The following RAB28 variants were observed in gnomAD, a reference collection of about 807,000 sequenced individuals.
RAB28 encodes the protein RAB28, member RAS oncogene family.
A neutral mutation model predicts 31.7 loss-of-function variants in RAB28; 24 were observed. That is an observed-to-expected ratio of 0.76 (90% CI 0.55 to 1.06). The LOEUF is 1.06. RAB28 is among the 50% of genes least tolerant of loss of function. RAB28 has a pLI of 0.00. For synonymous variants in RAB28, 100 were observed against 90.4 expected (o/e 1.11, Z -0.60); for missense variants, 254 against 258.5 (o/e 0.98, Z 0.12).
At chr4:13,466,921 C>T (rs1366423767) in intron 3 of RAB28, among the ~76,000 whole-genome samples, 2 of 151,892 alleles carry the variant, frequency 1.3e-5, no homozygotes, top group Admixed American at 1.3e-4. Flanking sequence ...GTGAAATGAG[C>T]CAGGCACAAA....
chr4:13,370,267 A>T, intron 6 of RAB28: 1 of 963,306 alleles, frequency 1.0e-6, no homozygotes, highest in South Asian at 4.8e-5. Context: ...TCCATTTTTG[A>T]TAACACAATT....
chr4:13,444,318 C>T (rs139082935), intron 4 of RAB28, among the ~76,000 whole-genome samples: 1,825 of 152,248 alleles, frequency 0.012, 13 homozygotes, highest in Non-Finnish European at 0.018. Flanking sequence ...TGAGCCACCA[C>T]GCCCAGCCGC....
chr4:13,447,491 A>C (rs772134528), intron 4 of RAB28, among the ~76,000 whole-genome samples: 2 of 152,160 alleles, frequency 1.3e-5, no homozygotes, highest in African/African-American at 2.4e-5. Flanking sequence ...AGAGAGAAAG[A>C]CCATACCTGT....
At chr4:13,436,863 C>A (rs535410620) in intron 4 of RAB28, among the ~76,000 whole-genome samples, 42 of 151,986 alleles carry the variant, frequency 2.8e-4, no homozygotes, top group Non-Finnish European at 4.7e-4. Context: ...ATAAACAATT[C>A]TAAAATTCGT....
chr4:13,408,773 C>G (rs150466094), intron 4 of RAB28, among the ~76,000 whole-genome samples: 1,926 of 152,154 alleles, frequency 0.013, 13 homozygotes, highest in Middle Eastern at 0.041. Context: ...TGACTATATA[C>G]TGATCATTCT....
intron 4 of RAB28, among the ~76,000 whole-genome samples, chr4:13,417,754 T>C (rs11946041): frequency 0.012 from 1,812 of 152,078 alleles, 21 homozygotes; most frequent in African/African-American, 0.04. Context: ...GTCACAAGCA[T>C]CAAAGGCCAA....
At chr4:13,476,420 T>A (rs1286927718) in intron 2 of RAB28, among the ~76,000 whole-genome samples, 1 of 151,522 alleles carries the variant, frequency 6.6e-6, no homozygotes, top group Non-Finnish European at 1.5e-5. Flanking sequence ...AAAATAGCTA[T>A]GAATTACTGA....
rs1037605463 is a variant in RAB28 at position 13,401,410 on chromosome 4, A to C, written c.392-19816T>G. On this transcript the variant is annotated intron_variant, in intron 4 of 6. Transcript: ENST00000330852. ...GAGCTAGGGGAGGGATAGCATTAGG[A>C]GAAATACCTAATGTAGGTGACGGGT... Among the ~76,000 whole-genome samples, 3 of 152,284 alleles carry C rather than the reference A, an allele frequency of 2.0e-5. No individual in the cohort carries two copies. The East Asian group carries it at 5.8e-4, about 29-fold the overall frequency.
chr4:13,406,894 T>C (rs1712125411), intron 4 of RAB28, among the ~76,000 whole-genome samples: 1 of 152,238 alleles, frequency 6.6e-6, no homozygotes, highest in African/African-American at 2.4e-5. Context: ...ATTCTGGATA[T>C]TAGCCCTTTG....
At chr4:13,436,432 G>A (rs745520725) in intron 4 of RAB28, among the ~76,000 whole-genome samples, 5 of 152,092 alleles carry the variant, frequency 3.3e-5, no homozygotes, top group Non-Finnish European at 5.9e-5. Context: ...GTTCACCAAC[G>A]TCATAATCCT....
At chr4:13,398,295 T>C (rs1711542749) in intron 4 of RAB28, among the ~76,000 whole-genome samples, 1 of 152,202 alleles carries the variant, frequency 6.6e-6, no homozygotes, top group African/African-American at 2.4e-5. Context: ...ACCACAAGAA[T>C]TCCTATCAGA....
intron 4 of RAB28, among the ~76,000 whole-genome samples, chr4:13,394,388 T>G (rs1170470003): frequency 6.6e-6 from 1 of 152,162 alleles, no homozygotes; most frequent in Non-Finnish European, 1.5e-5. Context: ...CTGTTCATAA[T>G]AGGGTTCACG....
At chr4:13,386,554 G>A (rs1020215169) in intron 4 of RAB28, among the ~76,000 whole-genome samples, 1 of 152,052 alleles carries the variant, frequency 6.6e-6, no homozygotes, top group African/African-American at 2.4e-5. Flanking sequence ...ACCACAATGA[G>A]ATACCATCAC....
intron 4 of RAB28, among the ~76,000 whole-genome samples, chr4:13,445,212 G>T (rs1049066968): frequency 6.6e-6 from 1 of 151,734 alleles, no homozygotes; most frequent in African/African-American, 2.4e-5. Context: ...CTCATGCTGT[G>T]TTTTTCAGCT....
chr4:13,403,632 T>G (rs1018512893), intron 4 of RAB28, among the ~76,000 whole-genome samples: 2 of 152,222 alleles, frequency 1.3e-5, no homozygotes, highest in African/African-American at 4.8e-5. Context: ...CAGTATTATG[T>G]ATGCTATAAA....
At chr4:13,389,568 T>C (rs1208309789) in intron 4 of RAB28, among the ~76,000 whole-genome samples, 2 of 152,146 alleles carry the variant, frequency 1.3e-5, no homozygotes, top group African/African-American at 4.8e-5. Flanking sequence ...AATAGTATAA[T>C]GACTCTTGAA....
At chr4:13,443,611 T>C (rs1340397458) in intron 4 of RAB28, among the ~76,000 whole-genome samples, 1 of 152,238 alleles carries the variant, frequency 6.6e-6, no homozygotes, top group African/African-American at 2.4e-5. Flanking sequence ...GTTTGGCATG[T>C]GTATACTTGT....
chr4:13,427,942 G>A (rs925259597), intron 4 of RAB28, among the ~76,000 whole-genome samples: 6 of 152,274 alleles, frequency 3.9e-5, no homozygotes, highest in African/African-American at 1.4e-4. Context: ...CTCCAAAAAC[G>A]CAGCTCCCGA....
intron 4 of RAB28, among the ~76,000 whole-genome samples, chr4:13,451,105 A>G (rs1266706071): frequency 6.6e-6 from 1 of 151,850 alleles, no homozygotes; most frequent in African/African-American, 2.4e-5. Flanking sequence ...AGACCACTTA[A>G]GAAGCTACTG....
Sources: allele counts gnomAD v4.1 joint callset (sites outside exome capture counted in the v4.1 genomes callset), GRCh38; gene constraint gnomAD v4.1.1; transcripts MANE v1.5; gene names NCBI Gene and HGNC (gene_info 2026-07-23, HGNC 2026-07-21).